The following DNA2 variants were observed in gnomAD, a reference collection of about 807,000 sequenced individuals.
The protein encoded by DNA2 is DNA replication helicase/nuclease 2, also known as DNA replication ATP-dependent helicase/nuclease DNA2.
DNA2 carries 101 observed loss-of-function variants against 119.1 expected under a neutral mutation model. That is an observed-to-expected ratio of 0.85 (90% CI 0.72 to 1.00). The LOEUF (loss-of-function observed/expected upper bound fraction) is 1.00. Ranked by LOEUF, DNA2 falls within the 50% of genes least tolerant of loss-of-function variation. The probability of loss-of-function intolerance (pLI) is 0.00; values close to 1 mark genes in which losing one functional copy is unlikely to be tolerated. For synonymous variants in DNA2, 366 were observed against 424.4 expected (o/e 0.86, Z 1.69); for missense variants, 1,121 against 1,255.5 (o/e 0.89, Z 1.62).
Position 68,430,617 on chromosome 10 carries a change from C to T in DNA2, c.2027G>A (p.Ser676Asn). 1.2e-6 allele frequency: 2 copies of T among 1,605,666 alleles called. No individual in the cohort carries two copies. The highest frequency in any genetic ancestry group is 1.7e-6 in the Non-Finnish European group (2 of 1,175,930). ...ATTGTCAACAGCAGAGTGTGTATAG[C>T]TGGTCAACAAAACGCTAAAACCACA... is the stretch of plus-strand genomic sequence containing the variant. Reference protein sequence around the residue: ...YACGFSVLLTSYTHSAVDNIL... With the variant: ...YACGFSVLLTNYTHSAVDNIL... The change falls in exon 14 of 21, where the codon AGC (serine) becomes AAC (asparagine). Residue 676 changes from serine (S) to asparagine (N), a missense_variant. Transcript: ENST00000358410.
chr10:68,428,461 G>A (rs762615229), intron 14 of DNA2, among the ~76,000 whole-genome samples: 1 of 151,502 alleles, frequency 6.6e-6, no homozygotes, highest in Non-Finnish European at 1.5e-5. Context: ...TCCAGAAATT[G>A]TACTACTGGG....
intron 5 of DNA2, among the ~76,000 whole-genome samples, chr10:68,454,562 T>C (rs1048358394): frequency 1.3e-5 from 2 of 152,016 alleles, no homozygotes; most frequent in African/African-American, 4.8e-5. Context: ...TCCCAGCACT[T>C]TGGGAGGGTG....
In DNA2 at chr10:68,422,512, T is replaced by C; in HGVS notation, c.2492+3A>G. ...CACTCCTAGCTAACACTGTTACAAATACCTGTTCATTCTGTACTGCACGGT... is the reference window on the plus strand; with the variant it reads ...CACTCCTAGCTAACACTGTTACAAACACCTGTTCATTCTGTACTGCACGGT... On this transcript the variant is annotated splice_donor_region_variant and intron_variant, in intron 16 of 20. Coordinates refer to ENST00000358410, the MANE Select transcript of DNA2 (RefSeq NM_001080449.3). 1.2e-6 allele frequency: 2 copies of C among 1,613,802 alleles called. No individual in the cohort carries two copies. Among genetic ancestry groups the C allele is most frequent in the Non-Finnish European group, 1.7e-6 (2 of 1,179,690 alleles).
chr10:68,416,022 T>A (rs556802164), intron 20 of DNA2, among the ~76,000 whole-genome samples: 12 of 152,254 alleles, frequency 7.9e-5, no homozygotes, highest in African/African-American at 2.4e-4. Flanking sequence ...TTAAAAATTT[T>A]AAAAAATTAG....
rs112761769 is a variant in DNA2 at position 68,458,552 on chromosome 10, A to G, written c.719+552T>C. On this transcript the variant is annotated intron_variant, in intron 5 of 20. Transcript: ENST00000358410. ...CTGTATCAAAAAAGAAAAAAAAAAAAAAGAAGAAGAAAGAGGCTGGGCACA... is the reference window on the plus strand; with the variant it reads ...CTGTATCAAAAAAGAAAAAAAAAAAGAAGAAGAAGAAAGAGGCTGGGCACA... 8.3e-3 allele frequency among the ~76,000 whole-genome samples: 1,263 copies of G among 152,054 alleles called. 19 individuals are homozygous for G. The highest frequency in any genetic ancestry group is 0.028 in the African/African-American group (1,173 of 41,510).
intron 4 of DNA2, among the ~76,000 whole-genome samples, chr10:68,463,443 C>CAAA (rs35470662): frequency 0.043 from 2,570 of 59,364 alleles, 90 homozygotes; most frequent in Non-Finnish European, 0.063. Context: ...GACTCCATCT[C>CAAA]AAAAAAAAAA....
rs1398328560 is a variant in DNA2, at chr10:68,440,428, G to A, written c.1415+2489C>T. Among the ~76,000 whole-genome samples the A allele has an allele frequency of 6.6e-5, 10 of 152,120 alleles. No homozygotes were observed. The East Asian group carries it at 1.6e-3, about 24-fold the overall frequency. On this transcript the variant is annotated intron_variant, in intron 9 of 20. Coordinates refer to ENST00000358410, the MANE Select transcript of DNA2 (RefSeq NM_001080449.3). ...TTCTCCTGCCTCAGCCTTGGGAGTAGCTGGGACTACAGGCACCTGCCACCA... is the reference window on the plus strand; with the variant it reads ...TTCTCCTGCCTCAGCCTTGGGAGTAACTGGGACTACAGGCACCTGCCACCA...
At chr10:68,417,576 C>G (rs1484336854) in intron 19 of DNA2, among the ~76,000 whole-genome samples, 1 of 147,460 alleles carries the variant, frequency 6.8e-6, no homozygotes, top group Non-Finnish European at 1.5e-5. Flanking sequence ...ATCACTGAAC[C>G]AGGGAGGTGG....
intron 9 of DNA2, among the ~76,000 whole-genome samples, chr10:68,441,935 T>G (rs1394809466): frequency 1.3e-5 from 2 of 150,188 alleles, no homozygotes; most frequent in African/African-American, 2.4e-5. Flanking sequence ...TTAAAATAAT[T>G]TTTTTTTTTT....
In DNA2 at chr10:68,459,096, T is replaced by C; in HGVS notation, c.719+8A>G. The C allele has an allele frequency of 6.3e-7, 1 of 1,583,174 alleles. No individual in the cohort carries two copies. The highest frequency in any genetic ancestry group is 2.3e-5 in the East Asian group (1 of 44,096). On this transcript the variant is annotated splice_region_variant and intron_variant, in intron 5 of 20. Transcript: ENST00000358410. ...AGACTATATATATAAACAAAATGTG[T>C]TTCTTACAGAGAGAGCTGCATCTGA...
chr10:68,470,137 A>C lies in DNA2; in HGVS notation c.101T>G (p.Phe34Cys). The C allele has an allele frequency of 6.3e-7, 1 of 1,598,740 alleles. No homozygotes were observed. The highest frequency in any genetic ancestry group is 8.5e-7 in the Non-Finnish European group (1 of 1,176,592). Residue 34 changes from phenylalanine to cysteine, a missense_variant, in exon 2 of 21, where the codon TTT (phenylalanine) becomes TGT (cysteine). Coordinates refer to ENST00000358410, the MANE Select transcript of DNA2 (RefSeq NM_001080449.3). Reference protein sequence around the residue: ...ELFQKKVVASFPRTVLSTGMD... With the variant: ...ELFQKKVVASCPRTVLSTGMD... The stretch of plus-strand genomic sequence containing the variant: ...TCCTGTGCTCAGAACTGTTCTTGGA[A>C]AGGAAGCTACCACTTTCTTCTGAAA...
intron 14 of DNA2, among the ~76,000 whole-genome samples, chr10:68,426,716 G>A (rs542370375): frequency 6.6e-6 from 1 of 151,762 alleles, no homozygotes; most frequent in Admixed American, 6.6e-5. Flanking sequence ...GTGGGCGCCT[G>A]TGGTCCCAGC....
intron 5 of DNA2, among the ~76,000 whole-genome samples, chr10:68,458,295 G>A (rs2052211736): frequency 6.6e-6 from 1 of 152,260 alleles, no homozygotes; most frequent in East Asian, 1.9e-4. Context: ...ACTTTGGTAG[G>A]CCAAGGTGTG....
At chr10:68,440,661 A>C (rs1356407946) in intron 9 of DNA2, among the ~76,000 whole-genome samples, 1 of 152,190 alleles carries the variant, frequency 6.6e-6, no homozygotes, top group Admixed American at 6.6e-5. Flanking sequence ...AGATTAAAAA[A>C]ATGAAAGCAA....
intron 4 of DNA2, among the ~76,000 whole-genome samples, chr10:68,462,991 C>A (rs2052278686): frequency 6.6e-6 from 1 of 151,686 alleles, no homozygotes; most frequent in Non-Finnish European, 1.5e-5. Context: ...AATTAGCCGG[C>A]CATGGTGGCA....
At chr10:68,451,972 AC>A (rs2052124691) in intron 5 of DNA2, among the ~76,000 whole-genome samples, 1 of 151,880 alleles carries the variant, frequency 6.6e-6, no homozygotes, top group African/African-American at 2.4e-5. Flanking sequence ...TAAAAAAAAA[AC>A]TATTCCAAGA....
chr10:68,445,444 C>T (rs1009165727), intron 7 of DNA2, among the ~76,000 whole-genome samples: 13 of 151,892 alleles, frequency 8.6e-5, no homozygotes, highest in Non-Finnish European at 1.9e-4. Context: ...GCCTGGGTAA[C>T]AAGAGCGAAA....
At chr10:68,417,436 G>A (rs1236906900) in intron 19 of DNA2, among the ~76,000 whole-genome samples, 1 of 150,158 alleles carries the variant, frequency 6.7e-6, no homozygotes, top group Non-Finnish European at 1.5e-5. Flanking sequence ...GACAAGGTGG[G>A]AGGATTGCTA....
chr10:68,467,040 C>T (rs76127537), intron 3 of DNA2, among the ~76,000 whole-genome samples: 3,717 of 152,230 alleles, frequency 0.024, 141 homozygotes, highest in African/African-American at 0.085. Context: ...AATAAAAGTA[C>T]GTTTCAAGAA....
Sources: gnomAD v4.1 joint callset for allele counts (sites outside exome capture counted in the v4.1 genomes callset) on GRCh38, gnomAD v4.1.1 for gene constraint, MANE v1.5 for transcripts, NCBI Gene and HGNC (gene_info 2026-07-23, HGNC 2026-07-21) for gene names.